Variants in RGS5 observed in about 807,000 individuals in gnomAD.
The protein encoded by RGS5 is regulator of G-protein signalling 5.
RGS5 carries 20 observed loss-of-function variants against 18.9 expected under a neutral mutation model. The ratio of observed to expected loss-of-function variants is 1.06; its 90% confidence interval spans 0.74 to 1.54. The LOEUF (loss-of-function observed/expected upper bound fraction) is 1.54. RGS5 is among the 40% of genes most tolerant of loss of function. The probability of loss-of-function intolerance (pLI) is 0.00; values close to 1 mark genes in which losing one functional copy is unlikely to be tolerated. For missense variants in RGS5, 201 were observed against 211.8 expected (o/e 0.95, Z 0.32); for synonymous variants, 57 against 76.2 (o/e 0.75, Z 1.31).
At chr1:163,228,143 G>A (rs1647382628) in intron 2 of RGS5, among the ~76,000 whole-genome samples, 1 of 152,172 alleles carries the variant, frequency 6.6e-6, no homozygotes, top group African/African-American at 2.4e-5. Context: ...AGCTCTACTA[G>A]GCAGTCCCCC....
intron 1 of RGS5, chr1:163,318,876 G>A (rs952089): frequency 0.14 from 21,961 of 152,150 alleles, 1,920 homozygotes; most frequent in Non-Finnish European, 0.19. Context: ...ATGTGGCATT[G>A]ACAGAAGTGG....
chr1:163,301,881 TG>T (rs1649561335), intron 2 of RGS5, among the ~76,000 whole-genome samples: 1 of 152,204 alleles, frequency 6.6e-6, no homozygotes, highest in South Asian at 2.1e-4. Flanking sequence ...CCAGGGTTCC[TG>T]GTTTAACCAT....
At chr1:163,307,807 A>T (rs2101647038) in intron 1 of RGS5, among the ~76,000 whole-genome samples, 1 of 152,326 alleles carries the variant, frequency 6.6e-6, no homozygotes, top group Non-Finnish European at 1.5e-5. Context: ...AACACTACTT[A>T]ATATCCATTA....
chr1:163,195,878 T>C (rs893202900), intron 1 of RGS5, among the ~76,000 whole-genome samples: 5 of 152,150 alleles, frequency 3.3e-5, no homozygotes, highest in Non-Finnish European at 5.9e-5. Context: ...ATTTATTTCT[T>C]TTAGCACTTC....
upstream of RGS5, chr1:163,217,684 G>GA: frequency 7.0e-7 from 1 of 1,438,050 alleles, no homozygotes; most frequent in Non-Finnish European, 9.1e-7. Context: ...ACAATGCTGA[G>GA]AGAAGAGCAG....
chr1:163,152,489 G>A (rs775174694), intron 4 of RGS5, 61 bp downstream of exon 4: 2 of 1,512,956 alleles, frequency 1.3e-6, no homozygotes, highest in Non-Finnish European at 1.8e-6. Context: ...TGTCTCAGAT[G>A]TAAATCCTTC....
In RGS5 at chr1:163,147,396, C is replaced by T. The variant is rs781115460; in HGVS notation, c.492G>A (p.Lys164=). Residue 164 remains lysine (K), a synonymous_variant, in exon 5 of 5, where the codon AAG becomes AAA. Transcript: ENST00000313961. ...AQKRIHALME[K]DSLPRFVRSE... ...AGCGCACAAAGCGAGGCAGAGAATC[C>T]TTTTCCATCAGGGCATGGATTCTTT... The T allele has an allele frequency of 1.9e-6, 3 of 1,612,418 alleles. No individual in the cohort carries two copies. Among genetic ancestry groups the T allele is most frequent in the African/African-American group, 2.7e-5 (2 of 74,828 alleles).
intron 1 of RGS5, among the ~76,000 whole-genome samples, chr1:163,188,462 C>G (rs977506442): frequency 6.6e-6 from 1 of 152,164 alleles, no homozygotes; most frequent in South Asian, 2.1e-4. Context: ...AACCCAGGAA[C>G]TGCTGAAACC....
In RGS5 at chr1:163,258,645, C is replaced by CTGTGTGTG. The variant is rs113301415; in HGVS notation, c.-281+47580_-281+47587dup. Reference sequence around the variant, plus strand: ...GAGGAAAATGCTAAAGTAAGTGTGTCTGTGTGTGTGTGTGTGTGTGTGTGT... The same window carrying CTGTGTGTG: ...GAGGAAAATGCTAAAGTAAGTGTGTCTGTGTGTGTGTGTGTGTGTGTGTGTGTGTGTGT... On this transcript the variant is annotated intron_variant, in intron 2 of 5. Coordinates refer to the RGS5 transcript ENST00000618415. Among the ~76,000 whole-genome samples the CTGTGTGTG allele has an allele frequency of 1.9e-3, 286 of 148,390 alleles. 4 individuals carry two copies. The highest frequency in any genetic ancestry group is 5.4e-3 in the African/African-American group (220 of 40,742).
Position 163,152,729 on chromosome 1 carries a change from A to C in RGS5, c.218-13T>G. On this transcript the variant is annotated splice_polypyrimidine_tract_variant and intron_variant, in intron 3 of 4. Coordinates refer to ENST00000313961, the MANE Select transcript of RGS5 (RefSeq NM_003617.4). The stretch of plus-strand genomic sequence containing the variant: ...CTGGCAAGTCCATCTGGAAAGAAAA[A>C]AACAGTCAGCTGGAGAAATTTATTA... 4 of 1,569,968 alleles carry C rather than the reference A, an allele frequency of 2.5e-6. No individual in the cohort carries two copies. The highest frequency in any genetic ancestry group is 3.4e-6 in the Non-Finnish European group (4 of 1,163,350).
chr1:163,235,922 T>C (rs1170070802), intron 2 of RGS5, among the ~76,000 whole-genome samples: 16 of 152,188 alleles, frequency 1.1e-4, no homozygotes, highest in Non-Finnish European at 2.2e-4. Flanking sequence ...TCTCAGGAGC[T>C]TTTTTGCCAA....
At chr1:163,189,723 T>A (rs774301252) in intron 1 of RGS5, among the ~76,000 whole-genome samples, 1 of 152,142 alleles carries the variant, frequency 6.6e-6, no homozygotes, top group Non-Finnish European at 1.5e-5. Flanking sequence ...TAAAGATTAA[T>A]AAAGGGGTCA....
At chr1:163,207,882 T>C (rs991976819), upstream of RGS5, among the ~76,000 whole-genome samples, 4 of 152,026 alleles carry the variant, frequency 2.6e-5, no homozygotes, top group South Asian at 4.1e-4. Flanking sequence ...AATATAAATC[T>C]TAATCTTCCT....
At chr1:163,232,323 G>A (rs1019226910) in intron 2 of RGS5, among the ~76,000 whole-genome samples, 1 of 152,152 alleles carries the variant, frequency 6.6e-6, no homozygotes, top group African/African-American at 2.4e-5. Flanking sequence ...CATACTCAAT[G>A]AAAGTTTCCT....
chr1:163,220,461 T>G (rs1276790575), upstream of RGS5, among the ~76,000 whole-genome samples: 2 of 152,206 alleles, frequency 1.3e-5, no homozygotes, highest in Non-Finnish European at 2.9e-5. Flanking sequence ...TCCTTCAATC[T>G]GCAGTAGCTC....
At chr1:163,261,112 C>G (rs1648423027) in intron 2 of RGS5, among the ~76,000 whole-genome samples, 1 of 152,128 alleles carries the variant, frequency 6.6e-6, no homozygotes, top group Admixed American at 6.5e-5. Context: ...AACTGGATTT[C>G]AAGCTCAGAT....
In RGS5 at chr1:163,283,701, T is replaced by C. The variant is rs570437528; in HGVS notation, c.-281+22532A>G. On this transcript the variant is annotated intron_variant, in intron 2 of 5. Coordinates refer to the RGS5 transcript ENST00000618415. Reference sequence around the variant, plus strand: ...ACTCTAGAGACTCTCCTAATTCATCTAGAGGCTTGATGAATTAAGCTGCCA... The same window carrying C: ...ACTCTAGAGACTCTCCTAATTCATCCAGAGGCTTGATGAATTAAGCTGCCA... Among the ~76,000 whole-genome samples the C allele has an allele frequency of 6.6e-5, 10 of 152,300 alleles. No homozygotes were observed. In the East Asian group the frequency reaches 1.9e-3, roughly 29 times the overall value.
intron 1 of RGS5, among the ~76,000 whole-genome samples, chr1:163,199,224 T>A (rs1435004092): frequency 6.6e-6 from 1 of 152,198 alleles, no homozygotes; most frequent in African/African-American, 2.4e-5. Flanking sequence ...GGGTAGAAAC[T>A]CTGTGCTTAT....
intron 2 of RGS5, among the ~76,000 whole-genome samples, chr1:163,256,238 A>C (rs987341777): frequency 3.9e-5 from 6 of 152,062 alleles, no homozygotes; most frequent in Non-Finnish European, 8.8e-5. Context: ...AAATCTCCTT[A>C]AGCTGATAAG....
Sources: allele counts gnomAD v4.1 joint callset (sites outside exome capture counted in the v4.1 genomes callset), GRCh38; gene constraint gnomAD v4.1.1; transcripts MANE v1.5; gene names NCBI Gene and HGNC (gene_info 2026-07-23, HGNC 2026-07-21).